The following PRKD1 variants were observed in gnomAD, a reference collection of about 807,000 sequenced individuals.
PRKD1 encodes protein kinase D1.
In PRKD1, 63 loss-of-function variants were observed where a neutral mutation model predicts 95.9. The ratio of observed to expected loss-of-function variants is 0.66; its 90% CI spans 0.54 to 0.81. The LOEUF (loss-of-function observed/expected upper bound fraction) is 0.81, where lower values mean the gene tolerates loss of function less well. Ranked by LOEUF, PRKD1 falls within the 30% of genes least tolerant of loss-of-function variation. The pLI is 0.00. For missense variants in PRKD1, 1,048 were observed against 1,165.3 expected, an observed-to-expected ratio of 0.90 and a Z score of 1.47; for synonymous variants, 425 against 423.1, an observed-to-expected ratio of 1.00 and a Z score of -0.05.
chr14:29,723,317 TC>T (rs1885987534), intron 2 of PRKD1, among the ~76,000 whole-genome samples: 2 of 152,180 alleles, frequency 1.3e-5, no homozygotes, highest in South Asian at 4.2e-4. Context: ...ATCACTCAAC[TC>T]CTCAACTAAG....
rs558667478 is a variant in PRKD1 at position 29,875,705 on chromosome 14, A to T, written c.264+51544T>A. Among the ~76,000 whole-genome samples the T allele has an allele frequency of 2.1e-3, 313 of 152,326 alleles. 3 individuals are homozygous for T. The highest frequency in any genetic ancestry group is 7.0e-3 in the African/African-American group (289 of 41,574). ...TCCATTTAAACAACATTGTAAGTTTATGGTATCATAAGGAGATGTATTAAA... is the reference window on the plus strand; with the variant it reads ...TCCATTTAAACAACATTGTAAGTTTTTGGTATCATAAGGAGATGTATTAAA... On this transcript the variant is annotated intron_variant, in intron 1 of 17. Transcript: ENST00000331968.
chr14:29,725,328 G>T (rs902346138), intron 2 of PRKD1, among the ~76,000 whole-genome samples: 3 of 152,180 alleles, frequency 2.0e-5, no homozygotes, highest in African/African-American at 7.2e-5. Flanking sequence ...TAAGTCAAGA[G>T]ACGTGATTGG....
chr14:29,666,865 A>G (rs568952730), intron 2 of PRKD1, among the ~76,000 whole-genome samples: 1 of 152,282 alleles, frequency 6.6e-6, no homozygotes, highest in East Asian at 1.9e-4. Flanking sequence ...TCTGAGAAAT[A>G]CACCTTAATC....
intron 13 of PRKD1, among the ~76,000 whole-genome samples, chr14:29,608,027 T>C (rs1461748296): frequency 6.6e-6 from 1 of 152,318 alleles, no homozygotes; most frequent in Non-Finnish European, 1.5e-5. Flanking sequence ...AAGATTTATT[T>C]ATTAGTTATA....
At chr14:29,879,285 C>T (rs113561053) in intron 1 of PRKD1, among the ~76,000 whole-genome samples, 1,901 of 152,242 alleles carry the variant, frequency 0.012, 22 homozygotes, top group African/African-American at 0.033. Context: ...TGGGAGGGAC[C>T]GCGGTGGGGC....
At chr14:29,881,416 C>A (rs536340401) in intron 1 of PRKD1, among the ~76,000 whole-genome samples, 2 of 152,072 alleles carry the variant, frequency 1.3e-5, no homozygotes, top group East Asian at 3.9e-4. Context: ...TACAATTAAA[C>A]CTCTTTTTCT....
At chr14:29,923,811 A>T (rs74412461) in intron 1 of PRKD1, among the ~76,000 whole-genome samples, 2 of 112,242 alleles carry the variant, frequency 1.8e-5, no homozygotes, top group African/African-American at 5.6e-5. Flanking sequence ...TCATTTGAGG[A>T]AAAAAAAAAA....
chr14:29,733,159 G>C (rs1886535771), intron 1 of PRKD1, among the ~76,000 whole-genome samples: 1 of 149,558 alleles, frequency 6.7e-6, no homozygotes, highest in Non-Finnish European at 1.5e-5. Flanking sequence ...CTGGAGTGCA[G>C]TGGCGCAATC....
chr14:29,673,311 G>C (rs1273401396), intron 2 of PRKD1, among the ~76,000 whole-genome samples: 2 of 152,122 alleles, frequency 1.3e-5, no homozygotes, highest in Non-Finnish European at 2.9e-5. Context: ...TACTTAGTTG[G>C]CCAAGGATAC....
At chr14:29,639,656 AAAAG>A (rs1267600801) in intron 4 of PRKD1, among the ~76,000 whole-genome samples, 8 of 151,928 alleles carry the variant, frequency 5.3e-5, no homozygotes, top group East Asian at 1.9e-4. Flanking sequence ...AAGAAAAAGA[AAAAG>A]AAAGAAAGAA....
chr14:29,906,515 C>T (rs1329406818), intron 1 of PRKD1, among the ~76,000 whole-genome samples: 3 of 149,986 alleles, frequency 2.0e-5, no homozygotes, highest in Non-Finnish European at 4.4e-5. Context: ...CAGAGTGAGA[C>T]CTTGTATCAA....
At chr14:29,708,309 AC>A (rs1354275767) in intron 2 of PRKD1, among the ~76,000 whole-genome samples, 12 of 152,340 alleles carry the variant, frequency 7.9e-5, no homozygotes, top group Non-Finnish European at 1.6e-4. Context: ...GGATAATTTT[AC>A]ATATCTTCAG....
At chr14:29,598,554 C>T (rs574857726) in intron 15 of PRKD1, among the ~76,000 whole-genome samples, 2 of 152,186 alleles carry the variant, frequency 1.3e-5, no homozygotes, top group East Asian at 3.9e-4. Context: ...TCTGCACTGG[C>T]ACATATATAG....
intron 1 of PRKD1, among the ~76,000 whole-genome samples, chr14:29,803,075 T>C (rs1484916423): frequency 6.6e-6 from 1 of 152,214 alleles, no homozygotes; most frequent in East Asian, 1.9e-4. Context: ...CTATCCTCTA[T>C]ATATCCCTCC....
At chr14:29,655,573 G>A (rs935837686) in intron 4 of PRKD1, among the ~76,000 whole-genome samples, 1 of 152,128 alleles carries the variant, frequency 6.6e-6, no homozygotes, top group Non-Finnish European at 1.5e-5. Context: ...ACATTCACAA[G>A]TCAACTGACC....
intron 11 of PRKD1, among the ~76,000 whole-genome samples, chr14:29,627,172 T>C (rs1879684868): frequency 6.6e-6 from 1 of 152,250 alleles, no homozygotes; most frequent in Non-Finnish European, 1.5e-5. Context: ...TTGAAAAAGA[T>C]ATTTGCCTGT....
intron 1 of PRKD1, 149 bp from the exon 2 acceptor site, chr14:29,725,823 G>T: frequency 2.5e-6 from 2 of 790,670 alleles, no homozygotes; most frequent in South Asian, 2.9e-5. Context: ...ATAAATAAAT[G>T]GTAGAGTTGA....
chr14:29,871,446 T>A (rs968433293), intron 1 of PRKD1, among the ~76,000 whole-genome samples: 1 of 151,820 alleles, frequency 6.6e-6, no homozygotes, highest in African/African-American at 2.4e-5. Context: ...GGCAGGAGAG[T>A]GTAGTAGATG....
chr14:29,874,221 GA>G (rs1893208705), intron 1 of PRKD1, among the ~76,000 whole-genome samples: 2 of 152,086 alleles, frequency 1.3e-5, no homozygotes, highest in South Asian at 4.1e-4. Context: ...ACAGATATAT[GA>G]AAAAGTGCTC....
Sources: gnomAD v4.1 joint callset for allele counts (sites outside exome capture counted in the v4.1 genomes callset) on GRCh38, gnomAD v4.1.1 for gene constraint, MANE v1.5 for transcripts, NCBI Gene and HGNC (gene_info 2026-07-23, HGNC 2026-07-21) for gene names.